Variants in ZWILCH observed in about 807,000 individuals in gnomAD.
ZWILCH encodes the protein zwilch kinetochore protein.
Under a neutral mutation model 79.9 loss-of-function variants are expected in ZWILCH, and 74 were observed. That is an observed-to-expected ratio of 0.93 (90% CI 0.77 to 1.12). The LOEUF (loss-of-function observed/expected upper bound fraction) is 1.12, where lower values mean the gene tolerates loss of function less well. Among genes scored for constraint, ZWILCH ranks in the 50% most tolerant of loss-of-function variants. The pLI is 0.00. For synonymous variants in ZWILCH, 241 were observed against 228.2 expected (o/e 1.06, Z -0.51); for missense variants, 694 against 687.5 (o/e 1.01, Z -0.11).
At position 66,528,500 on chromosome 15, in the gene ZWILCH, A is replaced by G. The variant is rs146312343; in HGVS notation, c.970-352A>G. Among the ~76,000 whole-genome samples the G allele has an allele frequency of 4.1e-4, 62 of 152,326 alleles. 1 individual carries two copies. In the East Asian group the frequency reaches 4.6e-3, roughly 11 times the overall value. On this transcript the variant is annotated intron_variant, in intron 10 of 18. Transcript: ENST00000307897. Reference sequence around the variant, plus strand: ...ATGAATATGTTAATATTACTATAAAATGGCTCTACTATCATATATTAATAT... The same window carrying G: ...ATGAATATGTTAATATTACTATAAAGTGGCTCTACTATCATATATTAATAT...
Position 66,505,370 on chromosome 15 carries a change from A to G in ZWILCH, c.32A>G (p.Asp11Gly), listed in dbSNP as rs112076842. MWERLNCAAE[D>G]FYSRLLQKFN... The stretch of plus-strand genomic sequence containing the variant: ...GAGCGGCTGAACTGCGCAGCAGAGG[A>G]CTTTTATTCTCGTCTCCTTCAGTGA... The change falls in exon 1 of 19, where the codon GAC (aspartate) becomes GGC (glycine). Residue 11 changes from aspartate (D) to glycine (G), a missense_variant. Asp to Gly is a moderately conservative substitution (Grantham distance 94). Transcript: ENST00000307897. The G allele has an allele frequency of 1.2e-6, 2 of 1,614,050 alleles. No individual in the cohort carries two copies. The highest frequency in any genetic ancestry group is 1.7e-6 in the Non-Finnish European group (2 of 1,179,972).
At chr15:66,535,886 A>G in intron 14 of ZWILCH, 47 bp from the exon 15 acceptor site, 1 of 1,552,474 alleles carries the variant, frequency 6.4e-7, no homozygotes, top group African/African-American at 1.4e-5. Flanking sequence ...TACAAAGGTT[A>G]CACAGGTGCT....
At chr15:66,522,815 A>G (rs1894545701) in intron 7 of ZWILCH, among the ~76,000 whole-genome samples, 1 of 152,034 alleles carries the variant, frequency 6.6e-6, no homozygotes, top group African/African-American at 2.4e-5. Flanking sequence ...CAGAGTGGCA[A>G]GATTATGGAT....
intron 7 of ZWILCH, among the ~76,000 whole-genome samples, chr15:66,523,174 T>C (rs571617899): frequency 2.7e-4 from 41 of 152,206 alleles, no homozygotes; most frequent in Non-Finnish European, 4.0e-4. Flanking sequence ...TTACATACAT[T>C]GGCATATACG....
At chr15:66,536,920 T>G (rs1217764468) in intron 15 of ZWILCH, among the ~76,000 whole-genome samples, 1 of 152,182 alleles carries the variant, frequency 6.6e-6, no homozygotes, top group African/African-American at 2.4e-5. Flanking sequence ...ATTTTATATT[T>G]ATGAGAAATA....
At chr15:66,546,109 A>G (rs928756953) in intron 17 of ZWILCH, among the ~76,000 whole-genome samples, 11 of 152,300 alleles carry the variant, frequency 7.2e-5, no homozygotes, top group African/African-American at 2.6e-4. Context: ...AAAATATGGA[A>G]ACCAAAATGT....
chr15:66,525,396 A>G (rs1894636770), intron 8 of ZWILCH, among the ~76,000 whole-genome samples: 1 of 152,222 alleles, frequency 6.6e-6, no homozygotes, highest in Non-Finnish European at 1.5e-5. Flanking sequence ...ATGTGGCCAT[A>G]GTCTGTCTGT....
At chr15:66,514,685 A>T (rs1894191379) in intron 3 of ZWILCH, among the ~76,000 whole-genome samples, 1 of 152,120 alleles carries the variant, frequency 6.6e-6, no homozygotes, top group South Asian at 2.1e-4. Context: ...CACAATCAGG[A>T]TATATAACAG....
At position 66,532,423 on chromosome 15, in the gene ZWILCH, C is replaced by CA; in HGVS notation, c.1312+26dup. 2 of 1,576,640 alleles carry CA rather than the reference C, an allele frequency of 1.3e-6. No individual in the cohort carries two copies. The highest frequency in any genetic ancestry group is 1.7e-6 in the Non-Finnish European group (2 of 1,164,944). ...TCATAGGTAAGTATCTTTCCTGGCT[C>CA]AAAAAATTAAAAAACACATCACAGT... On this transcript the variant is annotated intron_variant, in intron 13 of 18. Coordinates refer to ENST00000307897, the MANE Select transcript of ZWILCH (RefSeq NM_017975.5).
At chr15:66,542,231 A>G (rs966244900) in intron 17 of ZWILCH, among the ~76,000 whole-genome samples, 1 of 152,188 alleles carries the variant, frequency 6.6e-6, no homozygotes, top group African/African-American at 2.4e-5. Context: ...TGGGCGGATC[A>G]CAAGGTCAGG....
chr15:66,507,889 C>T (rs1439718105), intron 1 of ZWILCH, among the ~76,000 whole-genome samples: 2 of 150,186 alleles, frequency 1.3e-5, no homozygotes, highest in African/African-American at 2.5e-5. Context: ...GCGGAGATCA[C>T]GCCACTGTAC....
At chr15:66,514,793 A>G (rs1894195245) in intron 3 of ZWILCH, among the ~76,000 whole-genome samples, 1 of 152,190 alleles carries the variant, frequency 6.6e-6, no homozygotes, top group Non-Finnish European at 1.5e-5. Flanking sequence ...CACTAACACC[A>G]ATCAGAGGTT....
intron 5 of ZWILCH, 153 bp from the exon 6 acceptor site, chr15:66,520,437 T>C (rs1567044042): frequency 4.9e-6 from 3 of 614,054 alleles, no homozygotes; most frequent in South Asian, 1.8e-5. Context: ...CATTCTCTTA[T>C]AAACATTTCA....
chr15:66,543,214 A>C (rs1217490450), intron 17 of ZWILCH, among the ~76,000 whole-genome samples: 1 of 152,180 alleles, frequency 6.6e-6, no homozygotes, highest in Non-Finnish European at 1.5e-5. Context: ...ATAAATAAAT[A>C]AATAAATACA....
intron 15 of ZWILCH, 142 bp downstream of exon 15, chr15:66,536,211 A>T: frequency 3.2e-6 from 2 of 632,390 alleles, no homozygotes; most frequent in Non-Finnish European, 4.8e-6. Flanking sequence ...AGTCTAAGTC[A>T]GTGCCATAGG....
At chr15:66,521,780 C>CGT (rs1894502713) in intron 7 of ZWILCH, among the ~76,000 whole-genome samples, 1 of 152,078 alleles carries the variant, frequency 6.6e-6, no homozygotes, top group Non-Finnish European at 1.5e-5. Context: ...GGATTATAGG[C>CGT]GTGAGCCACT....
At chr15:66,506,202 CT>C (rs966401776) in intron 1 of ZWILCH, among the ~76,000 whole-genome samples, 1 of 152,068 alleles carries the variant, frequency 6.6e-6, no homozygotes, top group Non-Finnish European at 1.5e-5. Context: ...ATCTTCATTG[CT>C]TTTTTTCCTG....
At chr15:66,518,538 C>T (rs1463446266) in intron 4 of ZWILCH, among the ~76,000 whole-genome samples, 4 of 152,092 alleles carry the variant, frequency 2.6e-5, no homozygotes, top group Admixed American at 6.6e-5. Flanking sequence ...TCTGGCTGGA[C>T]GTGGTGGCTC....
intron 1 of ZWILCH, among the ~76,000 whole-genome samples, chr15:66,505,987 C>T (rs1893801351): frequency 6.6e-6 from 1 of 152,178 alleles, no homozygotes; most frequent in Non-Finnish European, 1.5e-5. Flanking sequence ...TAGCATGCAT[C>T]AGAATCACCG....
Sources: gnomAD v4.1 joint callset for allele counts (sites outside exome capture counted in the v4.1 genomes callset) on GRCh38, gnomAD v4.1.1 for gene constraint, MANE v1.5 for transcripts, NCBI Gene and HGNC (gene_info 2026-07-23, HGNC 2026-07-21) for gene names.